Variants in BCR observed in about 807,000 individuals in gnomAD.
BCR encodes the protein breakpoint cluster region protein.
In BCR, 58 loss-of-function variants were observed where a neutral mutation model predicts 138.6. That is an observed-to-expected ratio of 0.42 (90% confidence interval 0.34 to 0.52). The LOEUF is 0.52. BCR is among the 20% of genes least tolerant of loss of function. BCR has a pLI of 0.06. For missense variants in BCR, 1,599 were observed against 1,727.2 expected, an observed-to-expected ratio of 0.93 and a Z score of 1.32; for synonymous variants, 786 against 730.1, an observed-to-expected ratio of 1.08 and a Z score of -1.23.
At chr22:23,243,054 G>A in intron 1 of BCR, 1 of 291,736 alleles carries the variant, frequency 3.4e-6, no homozygotes, top group Non-Finnish European at 6.9e-6. Context: ...GTGTGATATT[G>A]TGATATAAGA....
At chr22:23,280,892 T>C (rs1364781420) in intron 8 of BCR, among the ~76,000 whole-genome samples, 4 of 152,154 alleles carry the variant, frequency 2.6e-5, no homozygotes, top group Non-Finnish European at 2.9e-5. Context: ...CAGGGACCCA[T>C]GCCCACACGG....
chr22:23,315,910 A>G lies in BCR; in HGVS notation c.*388A>G, dbSNP rs2074067272. The stretch of plus-strand genomic sequence containing the variant: ...TCTGGGGAGAAGGGAACGTGACTGG[A>G]TTCCCTCACTGTTGTATCTTGAATA... On this transcript the variant is annotated 3_prime_UTR_variant, in exon 23 of 23. Transcript: ENST00000305877. 2.4e-6 allele frequency: 1 copy of G among 415,534 alleles called. No individual in the cohort carries two copies. The highest frequency in any genetic ancestry group is 4.3e-5 in the East Asian group (1 of 23,348). 25.7% of individuals were successfully genotyped at this position (415,534 alleles called of 1,614,324 possible).
intron 3 of BCR, 65 bp from the exon 4 acceptor site, chr22:23,261,290 A>G (rs1448608529): frequency 1.3e-6 from 2 of 1,517,606 alleles, no homozygotes; most frequent in African/African-American, 1.4e-5. Flanking sequence ...GTCTACTGCC[A>G]TACAATGCAC....
intron 16 of BCR, among the ~76,000 whole-genome samples, chr22:23,296,377 A>G (rs1334989615): frequency 1.3e-5 from 2 of 148,710 alleles, no homozygotes; most frequent in African/African-American, 5.1e-5. Flanking sequence ...CCGTCTCAAA[A>G]AAAAAAAAAA....
At chr22:23,251,831 T>G (rs906375913) in intron 1 of BCR, among the ~76,000 whole-genome samples, 1 of 151,440 alleles carries the variant, frequency 6.6e-6, no homozygotes, top group African/African-American at 2.4e-5. Flanking sequence ...TTGGAAGGAG[T>G]GGAGAAGGGA....
chr22:23,257,122 C>T (rs915418660), intron 2 of BCR, among the ~76,000 whole-genome samples: 1 of 152,140 alleles, frequency 6.6e-6, no homozygotes, highest in African/African-American at 2.4e-5. Context: ...TTTGCTCTCT[C>T]GTTTTCTCTG....
chr22:23,294,987 G>A (rs2073829226), intron 15 of BCR, 37 bp from the exon 16 acceptor site: 1 of 1,609,958 alleles, frequency 6.2e-7, no homozygotes, highest in South Asian at 1.1e-5. Context: ...TGACCCGTTT[G>A]TTCACACTGG....
Position 23,181,072 on chromosome 22 carries a change from T to C in BCR, c.112T>C (p.Cys38Arg), listed in dbSNP as rs1166891344. The C allele has an allele frequency of 6.6e-7, 1 of 1,520,884 alleles. No homozygotes were observed. The highest frequency in any genetic ancestry group is 8.9e-7 in the Non-Finnish European group (1 of 1,128,906). 94.2% of individuals were successfully genotyped at this position (1,520,884 alleles called of 1,614,324 possible). Reference protein sequence around the residue: ...VGDIEQELERCKASIRRLEQE... With the variant: ...VGDIEQELERRKASIRRLEQE... ...CGACATCGAGCAGGAGCTGGAGCGCTGCAAGGCCTCCATTCGGCGCCTGGA... is the reference window on the plus strand; with the variant it reads ...CGACATCGAGCAGGAGCTGGAGCGCCGCAAGGCCTCCATTCGGCGCCTGGA... Residue 38 changes from cysteine to arginine, a missense_variant, in exon 1 of 23, where the codon TGC becomes CGC. Coordinates refer to ENST00000305877, the MANE Select transcript of BCR (RefSeq NM_004327.4).
intron 1 of BCR, among the ~76,000 whole-genome samples, chr22:23,219,359 C>G (rs77979912): frequency 0.031 from 4,664 of 152,254 alleles, 261 homozygotes; most frequent in African/African-American, 0.11. Context: ...CAAAGCCTCC[C>G]CCCGGATCCC....
intron 22 of BCR, among the ~76,000 whole-genome samples, chr22:23,315,084 C>T (rs1198862939): frequency 4.6e-5 from 7 of 152,132 alleles, no homozygotes; most frequent in Non-Finnish European, 8.8e-5. Flanking sequence ...ATTAGCCAGG[C>T]ATTGTGGCAC....
intron 2 of BCR, 108 bp from the exon 3 acceptor site, chr22:23,260,842 A>C (rs373724162): frequency 4.9e-6 from 5 of 1,012,570 alleles, no homozygotes; most frequent in Non-Finnish European, 7.8e-6. Flanking sequence ...TTGTGGGGGC[A>C]GGGGTTTGTC....
intron 1 of BCR, among the ~76,000 whole-genome samples, chr22:23,226,139 C>G (rs141075102): frequency 6.6e-6 from 1 of 152,334 alleles, no homozygotes; most frequent in African/African-American, 2.4e-5. Context: ...GTAAATGATT[C>G]ATTTCCTTCA....
chr22:23,252,427 C>CTTTT (rs371986661), intron 1 of BCR, among the ~76,000 whole-genome samples: 3,403 of 118,712 alleles, frequency 0.029, 281 homozygotes, highest in African/African-American at 0.072. Flanking sequence ...TTTTTCTTTT[C>CTTTT]TTTTCTTTTT....
intron 8 of BCR, among the ~76,000 whole-genome samples, chr22:23,280,332 T>A (rs62219795): frequency 0.23 from 35,246 of 152,174 alleles, 4,454 homozygotes; most frequent in Middle Eastern, 0.3. Flanking sequence ...ACCAGCCTGA[T>A]GCGACCCCCT....
At chr22:23,234,857 G>T (rs2073005095) in intron 1 of BCR, among the ~76,000 whole-genome samples, 1 of 143,980 alleles carries the variant, frequency 6.9e-6, no homozygotes, top group Non-Finnish European at 1.6e-5. Flanking sequence ...AGTCTTCGGG[G>T]CCCAGACACC....
chr22:23,224,332 C>G (rs559705166), intron 1 of BCR, among the ~76,000 whole-genome samples: 16 of 152,176 alleles, frequency 1.1e-4, no homozygotes, highest in Non-Finnish European at 7.3e-5. Context: ...TGCTTTCTAA[C>G]TGGCAGTCCT....
In BCR at chr22:23,185,280, A is replaced by G. The variant is rs373133185; in HGVS notation, c.1279+3041A>G. On this transcript the variant is annotated intron_variant, in intron 1 of 22. Coordinates refer to ENST00000305877, the MANE Select transcript of BCR (RefSeq NM_004327.4). Reference sequence around the variant, plus strand: ...CCCCACACTGCTACCTGCAAAGCACAACTGGGGAGGTTCAGGGCGTCCTTC... The same window carrying G: ...CCCCACACTGCTACCTGCAAAGCACGACTGGGGAGGTTCAGGGCGTCCTTC... 8.5e-5 allele frequency among the ~76,000 whole-genome samples: 13 copies of G among 152,270 alleles called. No homozygotes were observed. In the South Asian group the frequency reaches 1.7e-3, roughly 19 times the overall value.
chr22:23,204,623 C>T lies in BCR; in HGVS notation c.1279+22384C>T, dbSNP rs56374141. On this transcript the variant is annotated intron_variant, in intron 1 of 22. Coordinates refer to ENST00000305877, the MANE Select transcript of BCR (RefSeq NM_004327.4). ...GGGGTGGATTGGCCTCTGTGTGCAC[C>T]CTTAATGGGAACCAGGACACTGCTT... is the stretch of plus-strand genomic sequence containing the variant. 9.1e-3 allele frequency among the ~76,000 whole-genome samples: 1,382 copies of T among 152,196 alleles called. 22 individuals carry two copies. Among genetic ancestry groups the T allele is most frequent in the African/African-American group, 0.031 (1,308 of 41,526 alleles).
chr22:23,180,539 A>G lies in BCR; in HGVS notation c.-422A>G. On this transcript the variant is annotated 5_prime_UTR_variant, in exon 1 of 23. Transcript: ENST00000305877. Reference sequence around the variant, plus strand: ...GTGCGGGCCGGGCGGGAGTGCGGCGAGAGCCGGCTGGCTGAGCTTAGCGTC... The same window carrying G: ...GTGCGGGCCGGGCGGGAGTGCGGCGGGAGCCGGCTGGCTGAGCTTAGCGTC... The G allele has an allele frequency of 5.4e-6, 1 of 184,122 alleles. No homozygotes were observed. 11.4% of individuals were successfully genotyped at this position (184,122 alleles called of 1,614,324 possible).
Sources: allele counts gnomAD v4.1 joint callset (sites outside exome capture counted in the v4.1 genomes callset), GRCh38; gene constraint gnomAD v4.1.1; transcripts MANE v1.5; gene names NCBI Gene and HGNC (gene_info 2026-07-23, HGNC 2026-07-21).